PLEKHA2: variants seen among roughly 807,000 people sequenced by gnomAD.
PLEKHA2 encodes pleckstrin homology domain-containing family A member 2.
Under a neutral mutation model 53.2 loss-of-function variants are expected in PLEKHA2, and 28 were observed. The observed-to-expected ratio is 0.53, with a 90% CI of 0.39 to 0.72. The LOEUF is 0.72. Among genes scored for constraint, PLEKHA2 ranks in the 30% least tolerant of loss-of-function variants. PLEKHA2 has a pLI of 0.00. For missense variants in PLEKHA2, 426 were observed against 537.9 expected (o/e 0.79, Z 2.06); for synonymous variants, 193 against 196.4 (o/e 0.98, Z 0.14).
At chr8:38,915,975 A>C (rs980935609) in intron 1 of PLEKHA2, among the ~76,000 whole-genome samples, 13 of 152,026 alleles carry the variant, frequency 8.6e-5, no homozygotes, top group Non-Finnish European at 1.8e-4. Flanking sequence ...CTGTTCAGTT[A>C]TATTATTTTA....
chr8:38,944,388 G>C (rs1298111701), intron 4 of PLEKHA2, among the ~76,000 whole-genome samples: 3 of 152,014 alleles, frequency 2.0e-5, no homozygotes, highest in Non-Finnish European at 4.4e-5. Context: ...GTGGTGGTGA[G>C]TACCTGTAAT....
At chr8:38,933,790 A>AAAAAAAAAAAAAAAAAAAGAAAAG (rs71216697) in intron 2 of PLEKHA2, among the ~76,000 whole-genome samples, 4 of 90,660 alleles carry the variant, frequency 4.4e-5, no homozygotes, top group African/African-American at 1.2e-4. Context: ...AAAAAAAAAA[A>AAAAAAAAAAAAAAAAAAAGAAAAG]AAAAGAAAAG....
At chr8:38,951,861 T>G (rs555791290) in intron 6 of PLEKHA2, among the ~76,000 whole-genome samples, 1 of 152,214 alleles carries the variant, frequency 6.6e-6, no homozygotes, top group South Asian at 2.1e-4. Flanking sequence ...CCTGGGTAAT[T>G]CTTTTTTTTA....
intron 1 of PLEKHA2, among the ~76,000 whole-genome samples, chr8:38,908,749 T>C (rs1302018051): frequency 1.3e-5 from 2 of 152,236 alleles, no homozygotes; most frequent in Non-Finnish European, 2.9e-5. Flanking sequence ...AAAAAACTTA[T>C]GATGTGGTGA....
intron 1 of PLEKHA2, among the ~76,000 whole-genome samples, chr8:38,916,919 T>C (rs1172533747): frequency 6.6e-6 from 1 of 152,186 alleles, no homozygotes; most frequent in South Asian, 2.1e-4. Flanking sequence ...TTTCTCCACT[T>C]CCTCACCAGC....
intron 1 of PLEKHA2, among the ~76,000 whole-genome samples, chr8:38,906,276 G>A (rs562485866): frequency 6.6e-6 from 1 of 152,328 alleles, no homozygotes; most frequent in South Asian, 2.1e-4. Flanking sequence ...TTTCCTGCAG[G>A]CTCCAACAAC....
chr8:38,957,368 C>T lies in PLEKHA2; in HGVS notation c.819C>T (p.Ser273=). The change falls in exon 10 of 12, where the codon TCC becomes TCT. Residue 273 remains serine (S), a synonymous_variant. Transcript: ENST00000617275. The part of the protein sequence containing the change: ...RDNLFEIITS[S]RTFYVQADSP... The stretch of plus-strand genomic sequence containing the variant: ...ACCTGTTTGAAATAATAACAAGCTC[C>T]AGGACCTTCTACGTACAGGTAAAAT... The T allele has an allele frequency of 6.2e-7, 1 of 1,613,182 alleles. No individual in the cohort carries two copies. The highest frequency in any genetic ancestry group is 8.5e-7 in the Non-Finnish European group (1 of 1,179,208).
intron 2 of PLEKHA2, among the ~76,000 whole-genome samples, chr8:38,919,044 A>G (rs1013049836): frequency 7.9e-5 from 12 of 152,146 alleles, no homozygotes; most frequent in African/African-American, 2.7e-4. Flanking sequence ...CCCAGCAGAG[A>G]ATGTGACCTG....
intron 10 of PLEKHA2, 69 bp from the exon 11 acceptor site, chr8:38,968,523 A>T: frequency 1.4e-6 from 2 of 1,451,616 alleles, no homozygotes. Flanking sequence ...CTTAATATTG[A>T]GTCAGAGACT....
intron 10 of PLEKHA2, among the ~76,000 whole-genome samples, chr8:38,958,496 C>G (rs1334017856): frequency 1.3e-5 from 2 of 152,188 alleles, no homozygotes; most frequent in African/African-American, 4.8e-5. Flanking sequence ...GTCCGCTTTC[C>G]CATTTCTTGG....
chr8:38,925,530 T>A (rs991725699), intron 2 of PLEKHA2, among the ~76,000 whole-genome samples: 1 of 152,222 alleles, frequency 6.6e-6, no homozygotes, highest in Admixed American at 6.5e-5. Flanking sequence ...ACGTAGTTGC[T>A]TTTACTTTCC....
At chr8:38,950,613 C>G (rs1267266817) in intron 5 of PLEKHA2, 2 of 398,288 alleles carry the variant, frequency 5.0e-6, no homozygotes, top group African/African-American at 4.1e-5. Flanking sequence ...GAAGGGCTGG[C>G]TCATAAGTAG....
chr8:38,923,218 G>A (rs1834223532), intron 2 of PLEKHA2, among the ~76,000 whole-genome samples: 2 of 152,208 alleles, frequency 1.3e-5, no homozygotes, highest in Admixed American at 1.3e-4. Flanking sequence ...GGGCTTGGAG[G>A]TGGAGTCTCA....
chr8:38,935,875 G>T, intron 2 of PLEKHA2, 119 bp from the exon 3 acceptor site: 1 of 857,794 alleles, frequency 1.2e-6, no homozygotes, highest in Non-Finnish European at 2.0e-6. Flanking sequence ...TTAAAGAATG[G>T]TTGAGTAACT....
Position 38,965,293 on chromosome 8 carries a change from G to A in PLEKHA2, c.838-3299G>A, listed in dbSNP as rs116670485. 5.4e-3 allele frequency among the ~76,000 whole-genome samples: 817 copies of A among 152,296 alleles called. 10 individuals carry two copies. Among genetic ancestry groups the A allele is most frequent in the African/African-American group, 0.019 (792 of 41,568 alleles). On this transcript the variant is annotated intron_variant, in intron 10 of 11. Transcript: ENST00000617275. ...TCCTGGAGAAGGAGTTTGTGGGGAG[G>A]CAGTACTTCAAAGCGCAGTCAGGCA...
chr8:38,955,618 C>T (rs1834925159), intron 9 of PLEKHA2, among the ~76,000 whole-genome samples: 1 of 152,158 alleles, frequency 6.6e-6, no homozygotes, highest in African/African-American at 2.4e-5. Flanking sequence ...TCTATCTGGC[C>T]CCTATCCTGT....
intron 2 of PLEKHA2, among the ~76,000 whole-genome samples, chr8:38,934,458 G>A (rs1445685221): frequency 1.3e-5 from 2 of 151,786 alleles, no homozygotes; most frequent in Non-Finnish European, 2.9e-5. Context: ...TTGAGATGGA[G>A]TCTCTCTCTT....
At chr8:38,947,754 A>G (rs991541143) in intron 5 of PLEKHA2, among the ~76,000 whole-genome samples, 2 of 152,188 alleles carry the variant, frequency 1.3e-5, no homozygotes, top group African/African-American at 4.8e-5. Context: ...CACAGCAGCC[A>G]AGCTTCTGTG....
chr8:38,957,250 G>T, intron 9 of PLEKHA2, 73 bp from the exon 10 acceptor site: 1 of 1,213,644 alleles, frequency 8.2e-7, no homozygotes, highest in Non-Finnish European at 1.2e-6. Flanking sequence ...GAGGGCACTG[G>T]GGTCTTAGGA....
Sources: allele counts gnomAD v4.1 joint callset (sites outside exome capture counted in the v4.1 genomes callset), GRCh38; gene constraint gnomAD v4.1.1; transcripts MANE v1.5; gene names NCBI Gene and HGNC (gene_info 2026-07-23, HGNC 2026-07-21).